Variants in ASPG observed in about 807,000 individuals in gnomAD.
ASPG encodes the protein asparaginase.
Under a neutral mutation model 63.2 loss-of-function variants are expected in ASPG, and 53 were observed. The ratio of observed to expected loss-of-function variants is 0.84; its 90% CI spans 0.67 to 1.05. The LOEUF (loss-of-function observed/expected upper bound fraction) is 1.05. Ranked by LOEUF, ASPG falls within the 50% of genes least tolerant of loss-of-function variation. The pLI, the probability that ASPG is intolerant of heterozygous loss-of-function variation, is 0.00. For missense variants in ASPG, 741 were observed against 794.4 expected, an observed-to-expected ratio of 0.93 and a Z score of 0.81; for synonymous variants, 370 against 355.0, an observed-to-expected ratio of 1.04 and a Z score of -0.48.
Position 104,112,682 on chromosome 14 carries a change from C to G in ASPG, c.*138C>G. The G allele has an allele frequency of 6.5e-7, 1 of 1,528,910 alleles. No homozygotes were observed. The highest frequency in any genetic ancestry group is 8.8e-7 in the Non-Finnish European group (1 of 1,140,850). 94.7% of individuals were successfully genotyped at this position (1,528,910 alleles called of 1,614,324 possible). A position where few individuals can be genotyped will look rare whatever the true frequency, so the allele number is the denominator to read the frequency against. ...GCCTGAAGGCCTTTGTTGGGCAGGA[C>G]GGCAATAAAGTCTCTGACATCCCCT... On this transcript the variant is annotated 3_prime_UTR_variant, in exon 16 of 16. Coordinates refer to ENST00000551177, the MANE Select transcript of ASPG (RefSeq NM_001080464.3).
At chr14:104,103,699 GC>G (rs2036985418) in intron 7 of ASPG, 24 bp downstream of exon 7, 1 of 1,535,968 alleles carries the variant, frequency 6.5e-7, no homozygotes, top group South Asian at 1.2e-5. Context: ...CGGCCATCCT[GC>G]CCCTGCAGCC....
chr14:104,108,088 C>T (rs530593783), intron 12 of ASPG, among the ~76,000 whole-genome samples: 9 of 152,108 alleles, frequency 5.9e-5, no homozygotes, highest in Admixed American at 1.3e-4. Flanking sequence ...GTGACCCTGA[C>T]GTGTTCAGTT....
At chr14:104,093,661 TG>T in intron 3 of ASPG, 59 bp downstream of exon 3, 1 of 850,346 alleles carries the variant, frequency 1.2e-6, no homozygotes, top group Non-Finnish European at 1.5e-6. Flanking sequence ...CTGAGGTGTG[TG>T]GGTGGGGCTG....
intron 7 of ASPG, among the ~76,000 whole-genome samples, chr14:104,104,056 G>T (rs1043376212): frequency 6.6e-6 from 1 of 152,190 alleles, no homozygotes; most frequent in South Asian, 2.1e-4. Context: ...GTGTTTCCAC[G>T]GCGTTCTGCC....
rs2037443688 is a variant in ASPG at position 104,115,026 on chromosome 14, C to G, written c.*2482C>G. 6.6e-6 allele frequency: 1 copy of G among 152,166 alleles called. No individual in the cohort carries two copies. Among genetic ancestry groups the G allele is most frequent in the Non-Finnish European group, 1.5e-5 (1 of 68,016 alleles). 9.4% of individuals were successfully genotyped at this position (152,166 alleles called of 1,614,324 possible). A position where few individuals can be genotyped will look rare whatever the true frequency, so the allele number is the denominator to read the frequency against. ...TGGCGCCGCTCACACCTGGTAATTT[C>G]ACGCTGGGGGAGGCCTTGGTTCCTA... is the stretch of plus-strand genomic sequence containing the variant. On this transcript the variant is annotated 3_prime_UTR_variant, in exon 16 of 16. Transcript: ENST00000551177.
intron 4 of ASPG, among the ~76,000 whole-genome samples, chr14:104,096,511 G>C (rs2036601639): frequency 6.6e-6 from 1 of 152,148 alleles, no homozygotes; most frequent in African/African-American, 2.4e-5. Flanking sequence ...CCTGTTAGCG[G>C]TGGAGCAGTG....
rs2141060679 is a variant in ASPG, at chr14:104,110,407, A to G, written c.1520+1092A>G. 1 of 985,350 alleles carries G rather than the reference A, an allele frequency of 1.0e-6. No homozygotes were observed. The highest frequency in any genetic ancestry group is 1.2e-6 in the Non-Finnish European group (1 of 829,908). The allele number at this position is 985,350 out of a possible 1,614,324, so 61.0% of individuals were successfully genotyped here. A position where few individuals can be genotyped will look rare whatever the true frequency, so the allele number is the denominator to read the frequency against. ...CTTGGTCAAGATTTGCACTCCAGAC[A>G]GGCCTTGCTGGCTCCATTGACAGAT... On this transcript the variant is annotated intron_variant, in intron 13 of 15. Coordinates refer to ENST00000551177, the MANE Select transcript of ASPG (RefSeq NM_001080464.3). This position sits in a 1 kb window ranked among gnomAD's most constrained non-coding sequence, Gnocchi z 4.7.
intron 3 of ASPG, among the ~76,000 whole-genome samples, chr14:104,094,924 C>T (rs2036529426): frequency 6.6e-6 from 1 of 152,194 alleles, no homozygotes; most frequent in African/African-American, 2.4e-5. Flanking sequence ...GCCCAGGCTT[C>T]GTATGGAGCC....
At chr14:104,093,662 G>A in intron 3 of ASPG, 60 bp downstream of exon 3, 4 of 1,236,672 alleles carry the variant, frequency 3.2e-6, no homozygotes, top group Non-Finnish European at 3.3e-6. Context: ...TGAGGTGTGT[G>A]GGTGGGGCTG....
chr14:104,109,325 G>A lies in ASPG; in HGVS notation c.1520+10G>A. On this transcript the variant is annotated intron_variant, in intron 13 of 15. Coordinates refer to ENST00000551177, the MANE Select transcript of ASPG (RefSeq NM_001080464.3). This position sits in a 1 kb window ranked among gnomAD's most constrained non-coding sequence, Gnocchi z 4.8. ...GGACGGAGCTGTGCAGGTGAGTGCA[G>A]CTAGAGCACCTGCTCTTCCAGGGAT... 6.2e-7 allele frequency: 1 copy of A among 1,600,492 alleles called. No homozygotes were observed. The highest frequency in any genetic ancestry group is 1.3e-5 in the African/African-American group (1 of 74,882).
At chr14:104,089,181 C>T (rs545540906) in intron 1 of ASPG, among the ~76,000 whole-genome samples, 3 of 152,058 alleles carry the variant, frequency 2.0e-5, no homozygotes, top group South Asian at 4.2e-4. Context: ...CCACCGTGCC[C>T]GGCTGAAAGC....
intron 6 of ASPG, among the ~76,000 whole-genome samples, chr14:104,101,313 G>C (rs1181676218): frequency 6.6e-6 from 1 of 152,220 alleles, no homozygotes; most frequent in Non-Finnish European, 1.5e-5. Flanking sequence ...CCAGCTGGGG[G>C]TAGCAATGCC....
intron 4 of ASPG, among the ~76,000 whole-genome samples, chr14:104,096,659 G>C (rs1475077983): frequency 1.3e-5 from 2 of 152,208 alleles, no homozygotes; most frequent in African/African-American, 4.8e-5. Flanking sequence ...GAGCACCGCA[G>C]GACCCACGAA....
At position 104,112,907 on chromosome 14, in the gene ASPG, A is replaced by T. The variant is rs1771009; in HGVS notation, c.*363A>T. On this transcript the variant is annotated 3_prime_UTR_variant, in exon 16 of 16. Transcript: ENST00000551177. ...GCCAAGTGGTCCTTTCCCAGCTGCC[A>T]CTCCCCCTTCCTGCCACCCTGCCTT... is the stretch of plus-strand genomic sequence containing the variant. 1 of 326,284 alleles carries T rather than the reference A, an allele frequency of 3.1e-6. No individual in the cohort carries two copies. The highest frequency in any genetic ancestry group is 5.9e-6 in the Non-Finnish European group (1 of 170,472). 20.2% of individuals were successfully genotyped at this position (326,284 alleles called of 1,614,324 possible).
At chr14:104,096,409 C>T (rs935648438) in intron 4 of ASPG, among the ~76,000 whole-genome samples, 1 of 152,166 alleles carries the variant, frequency 6.6e-6, no homozygotes, top group East Asian at 1.9e-4. Context: ...CTGCGGGGAG[C>T]AGTCCGGGGA....
At chr14:104,111,387 A>G in intron 13 of ASPG, 115 bp from the exon 14 acceptor site, 1 of 1,081,034 alleles carries the variant, frequency 9.3e-7, no homozygotes, top group Non-Finnish European at 1.3e-6. Context: ...CTGCTGGGTC[A>G]GCTGTTTGGG....
In ASPG at chr14:104,110,568, C is replaced by T. The variant is rs1014151442; in HGVS notation, c.1521-934C>T. Reference sequence around the variant, plus strand: ...CCCTCGGCTAGGCCTTCCTAGGGGCCGGTGTGTGTGTGGGGCTTGGCCTCT... The same window carrying T: ...CCCTCGGCTAGGCCTTCCTAGGGGCTGGTGTGTGTGTGGGGCTTGGCCTCT... On this transcript the variant is annotated intron_variant, in intron 13 of 15. Transcript: ENST00000551177. The surrounding 1 kb of genome is among the most constrained non-coding windows in gnomAD (Gnocchi z 4.7). 6.1e-6 allele frequency: 6 copies of T among 985,062 alleles called. No individual in the cohort carries two copies. Among genetic ancestry groups the T allele is most frequent in the East Asian group, 1.1e-4 (1 of 8,816 alleles). The allele number at this position is 985,062 out of a possible 1,614,324, so 61.0% of individuals were successfully genotyped here.
intron 9 of ASPG, 129 bp downstream of exon 9, chr14:104,104,864 G>C: frequency 3.8e-6 from 3 of 798,100 alleles, no homozygotes; most frequent in Non-Finnish European, 5.8e-6. Context: ...GTTTGGGAAG[G>C]GGAGGGATGT....
intron 6 of ASPG, among the ~76,000 whole-genome samples, chr14:104,102,193 C>T (rs1220906889): frequency 6.6e-6 from 1 of 152,156 alleles, no homozygotes; most frequent in South Asian, 2.1e-4. Context: ...AGTTAAAGGG[C>T]ATCTCACGCT....
Sources: allele counts gnomAD v4.1 joint callset (sites outside exome capture counted in the v4.1 genomes callset), GRCh38; gene constraint gnomAD v4.1.1; non-coding constraint Gnocchi (gnomAD v3.1); transcripts MANE v1.5; gene names NCBI Gene and HGNC (gene_info 2026-07-23, HGNC 2026-07-21).